Variants in REDIC1 observed in about 807,000 individuals in gnomAD.
REDIC1 encodes the protein HEI10 Interacting Protein 1.
chr12:39,789,615 T>C, the REDIC1 span, among the ~76,000 whole-genome samples: 138 of 152,196 alleles, frequency 9.1e-4, 1 homozygote, highest in Admixed American at 8.8e-3. Flanking sequence ...GTCAATTTTA[T>C]AGATAATACA....
At chr12:39,699,269 G>A in the REDIC1 span, among the ~76,000 whole-genome samples, 12 of 152,172 alleles carry the variant, frequency 7.9e-5, no homozygotes, top group Non-Finnish European at 1.3e-4. Flanking sequence ...GAAGCTGGGC[G>A]AGGCATTGCC....
the REDIC1 span, among the ~76,000 whole-genome samples, chr12:39,897,284 T>C: frequency 1.3e-5 from 2 of 152,210 alleles, no homozygotes; most frequent in Non-Finnish European, 2.9e-5. Flanking sequence ...AACGTGGTTA[T>C]GCTGTTGCAA....
chr12:39,693,205 T>C, the REDIC1 span, among the ~76,000 whole-genome samples: 2 of 152,130 alleles, frequency 1.3e-5, no homozygotes, highest in African/African-American at 4.8e-5. Context: ...CATGTTTGAG[T>C]GATCTTTTAA....
chr12:39,891,975 A>AT, the REDIC1 span, among the ~76,000 whole-genome samples: 5 of 152,286 alleles, frequency 3.3e-5, no homozygotes, highest in South Asian at 2.1e-4. Flanking sequence ...TATCTGAACG[A>AT]TTTTTTTACT....
the REDIC1 span, chr12:39,683,123 G>A: frequency 6.3e-7 from 1 of 1,599,522 alleles, no homozygotes; most frequent in Non-Finnish European, 8.5e-7. Context: ...TACTACCCAA[G>A]CAGCTCTGAA....
At chr12:39,902,337 T>C in the REDIC1 span, among the ~76,000 whole-genome samples, 1 of 151,676 alleles carries the variant, frequency 6.6e-6, no homozygotes, top group Admixed American at 6.6e-5. Context: ...AATTAAAGTA[T>C]AATAATAATA....
chr12:39,706,870 A>C, the REDIC1 span, among the ~76,000 whole-genome samples: 1 of 152,040 alleles, frequency 6.6e-6, no homozygotes, highest in African/African-American at 2.4e-5. Flanking sequence ...TGGATTAAAG[A>C]CTTAAATCTA....
chr12:39,719,222 T>G, the REDIC1 span, among the ~76,000 whole-genome samples: 1 of 152,090 alleles, frequency 6.6e-6, no homozygotes, highest in Non-Finnish European at 1.5e-5. Context: ...ACTAGTTCCA[T>G]TCCCTGAAAG....
At chr12:39,722,120 G>T in the REDIC1 span, among the ~76,000 whole-genome samples, 2 of 152,010 alleles carry the variant, frequency 1.3e-5, no homozygotes, top group African/African-American at 4.8e-5. Context: ...AATTGTTAGA[G>T]GTTTCTTTGC....
the REDIC1 span, among the ~76,000 whole-genome samples, chr12:39,767,783 TGTGA>T: frequency 1.3e-5 from 2 of 152,066 alleles, no homozygotes; most frequent in African/African-American, 2.4e-5. Flanking sequence ...TTCTCATGAT[TGTGA>T]GTGAGTTCTC....
chr12:39,743,018 C>T, the REDIC1 span, among the ~76,000 whole-genome samples: 2 of 152,262 alleles, frequency 1.3e-5, no homozygotes, highest in East Asian at 3.9e-4. Flanking sequence ...TTCACGGACA[C>T]ACTTTCACAC....
At chr12:39,904,975 C>A in the REDIC1 span, among the ~76,000 whole-genome samples, 4 of 152,026 alleles carry the variant, frequency 2.6e-5, no homozygotes, top group African/African-American at 7.2e-5. Flanking sequence ...CAAACTATCC[C>A]AATCTCAACT....
the REDIC1 span, among the ~76,000 whole-genome samples, chr12:39,722,858 T>C: frequency 6.6e-6 from 1 of 152,130 alleles, no homozygotes; most frequent in Non-Finnish European, 1.5e-5. Flanking sequence ...TCCAAGCCCT[T>C]GGAATGTCAT....
At chr12:39,889,920 A>C in the REDIC1 span, among the ~76,000 whole-genome samples, 1 of 152,320 alleles carries the variant, frequency 6.6e-6, no homozygotes, top group Admixed American at 6.5e-5. Flanking sequence ...CTGAAAATAA[A>C]TATAATTCTT....
chr12:39,830,256 G>A, the REDIC1 span: 1 of 1,605,526 alleles, frequency 6.2e-7, no homozygotes. Flanking sequence ...TTACCGTCAT[G>A]TTGGCAGAGA....
the REDIC1 span, among the ~76,000 whole-genome samples, chr12:39,822,202 G>T: frequency 6.6e-6 from 1 of 151,716 alleles, no homozygotes; most frequent in South Asian, 2.1e-4. Flanking sequence ...AGTTTACTGA[G>T]AATGATGATT....
At chr12:39,663,391 G>GACT in the REDIC1 span, among the ~76,000 whole-genome samples, 2 of 151,852 alleles carry the variant, frequency 1.3e-5, no homozygotes, top group Non-Finnish European at 2.9e-5. Context: ...AAGTGTTTTT[G>GACT]ACTTAAAGCC....
At chr12:39,769,424 G>A in the REDIC1 span, among the ~76,000 whole-genome samples, 1 of 151,966 alleles carries the variant, frequency 6.6e-6, no homozygotes, top group Admixed American at 6.6e-5. Context: ...TTAACAACTG[G>A]AATTCTTTTA....
chr12:39,845,818 T>A, the REDIC1 span, among the ~76,000 whole-genome samples: 4 of 152,202 alleles, frequency 2.6e-5, no homozygotes, highest in East Asian at 7.7e-4. Context: ...GAAGTGGTGT[T>A]GGGGTGGGTC....
Sources: gnomAD v4.1 joint callset for allele counts (sites outside exome capture counted in the v4.1 genomes callset) on GRCh38, gnomAD v4.1.1 for gene constraint, MANE v1.5 for transcripts, NCBI Gene and HGNC (gene_info 2026-07-23, HGNC 2026-07-21) for gene names.